Variants in CHL1 observed in about 807,000 individuals in gnomAD.
CHL1 encodes cell adhesion molecule L1 like.
In CHL1, 96 loss-of-function variants were observed where a neutral mutation model predicts 141.9. The ratio of observed to expected loss-of-function variants is 0.68; its 90% CI spans 0.57 to 0.80. The LOEUF is 0.80. CHL1 is among the 30% of genes least tolerant of loss of function. CHL1 has a pLI of 0.00. For synonymous variants in CHL1, 613 were observed against 502.2 expected (o/e 1.22, Z -2.95); for missense variants, 1,820 against 1,457.2 (o/e 1.25, Z -4.05).
In CHL1 at chr3:382,596, A is replaced by G. The variant is rs780870627; in HGVS notation, c.2101A>G (p.Arg701Gly). Residue 701 changes from arginine to glycine, a missense_variant, in exon 18 of 28, where the codon AGG becomes GGG. By Grantham distance (125) the Arg-to-Gly change is moderately radical. Transcript: ENST00000256509. ...GGCTCCATTTGTGAGATACCAGTTCAGGGTCATAGCCGTGAACGAAGTAGG... is the reference window on the plus strand; with the variant it reads ...GGCTCCATTTGTGAGATACCAGTTCGGGGTCATAGCCGTGAACGAAGTAGG... ...PLAPFVRYQF[R>G]VIAVNEVGRS... 1.9e-6 allele frequency: 3 copies of G among 1,614,000 alleles called. No individual in the cohort carries two copies. Among genetic ancestry groups the G allele is most frequent in the Non-Finnish European group, 1.7e-6 (2 of 1,179,908 alleles).
chr3:297,319 A>G (rs1698283885), intron 2 of CHL1, among the ~76,000 whole-genome samples: 1 of 152,206 alleles, frequency 6.6e-6, no homozygotes, highest in African/African-American at 2.4e-5. Context: ...GAACAGGGAA[A>G]GAGAAGGGGT....
chr3:370,950 G>A (rs1705554608), intron 15 of CHL1, among the ~76,000 whole-genome samples: 1 of 152,144 alleles, frequency 6.6e-6, no homozygotes, highest in Non-Finnish European at 1.5e-5. Flanking sequence ...TAATTTGATT[G>A]CATTGTGGTC....
chr3:239,487 A>C (rs944531815), intron 1 of CHL1, among the ~76,000 whole-genome samples: 1 of 152,138 alleles, frequency 6.6e-6, no homozygotes, highest in South Asian at 2.1e-4. Flanking sequence ...TGAAGCTATG[A>C]CATTCATACT....
intron 1 of CHL1, among the ~76,000 whole-genome samples, chr3:201,195 G>C (rs1476258905): frequency 1.3e-5 from 2 of 152,210 alleles, no homozygotes; most frequent in Admixed American, 1.3e-4. Context: ...TTGGCAACCT[G>C]ACATTATTCT....
chr3:226,731 G>T (rs1340042455), intron 1 of CHL1, among the ~76,000 whole-genome samples: 2 of 152,132 alleles, frequency 1.3e-5, no homozygotes, highest in Admixed American at 1.3e-4. Context: ...ACAGGCGTAA[G>T]CCACCGCGCC....
At chr3:225,040 C>A (rs772899862) in intron 1 of CHL1, among the ~76,000 whole-genome samples, 1 of 151,986 alleles carries the variant, frequency 6.6e-6, no homozygotes, top group African/African-American at 2.4e-5. Context: ...GGAGGCCGGG[C>A]GGGAGAACAC....
chr3:214,813 TAG>T (rs1336062225), intron 1 of CHL1, among the ~76,000 whole-genome samples: 31 of 152,302 alleles, frequency 2.0e-4, no homozygotes, highest in African/African-American at 7.5e-4. Context: ...AAGCAATAGT[TAG>T]AGTGATGTGA....
intron 1 of CHL1, among the ~76,000 whole-genome samples, chr3:237,737 G>A (rs148375214): frequency 2.0e-5 from 3 of 152,212 alleles, no homozygotes; most frequent in Non-Finnish European, 1.5e-5. Flanking sequence ...CTTGTATTAC[G>A]TGAGATTATA....
At chr3:325,852 T>A (rs1700964861) in intron 3 of CHL1, 107 bp from the exon 4 acceptor site, 1 of 631,790 alleles carries the variant, frequency 1.6e-6, no homozygotes. Context: ...TTTTGTATCA[T>A]CCTTTCACTT....
chr3:248,255 G>A (rs533064259), intron 2 of CHL1: 1 of 152,026 alleles, frequency 6.6e-6, no homozygotes, highest in South Asian at 2.1e-4. Context: ...GATTTCCAAG[G>A]CATGAAAATT....
intron 2 of CHL1, among the ~76,000 whole-genome samples, chr3:273,521 T>A (rs1444189735): frequency 6.6e-6 from 1 of 152,216 alleles, no homozygotes; most frequent in Non-Finnish European, 1.5e-5. Context: ...AGTCCCTTAT[T>A]GTTTTGCCAT....
At chr3:285,967 T>C (rs1368111802) in intron 2 of CHL1, among the ~76,000 whole-genome samples, 1 of 152,222 alleles carries the variant, frequency 6.6e-6, no homozygotes, top group Non-Finnish European at 1.5e-5. Flanking sequence ...GGCAGTTTTT[T>C]TTCTCCTGTC....
intron 1 of CHL1, among the ~76,000 whole-genome samples, chr3:239,807 C>G (rs1247088470): frequency 6.6e-6 from 1 of 152,070 alleles, no homozygotes; most frequent in African/African-American, 2.4e-5. Flanking sequence ...TTTGCATCCT[C>G]ATAGCTTAGC....
intron 19 of CHL1, among the ~76,000 whole-genome samples, chr3:386,426 G>C (rs928205568): frequency 2.0e-5 from 3 of 152,044 alleles, no homozygotes; most frequent in African/African-American, 7.2e-5. Context: ...CATATATTAA[G>C]TCGGTCATGA....
chr3:365,004 A>T (rs909951054), intron 14 of CHL1, among the ~76,000 whole-genome samples: 3 of 152,250 alleles, frequency 2.0e-5, no homozygotes, highest in Non-Finnish European at 4.4e-5. Context: ...TTCACTTAAA[A>T]TTAATTCAAT....
chr3:338,486 G>A (rs1559277174), intron 5 of CHL1, among the ~76,000 whole-genome samples: 2 of 152,126 alleles, frequency 1.3e-5, no homozygotes, highest in African/African-American at 2.4e-5. Context: ...GTTAGCTGCT[G>A]TGTTATAGTA....
At chr3:379,644 T>C (rs1447740462) in intron 16 of CHL1, among the ~76,000 whole-genome samples, 1 of 152,288 alleles carries the variant, frequency 6.6e-6, no homozygotes, top group Non-Finnish European at 1.5e-5. Context: ...TAAAAGTTCA[T>C]TCTTGCGATT....
chr3:217,629 G>A (rs1381945703), intron 1 of CHL1: 1 of 152,492 alleles, frequency 6.6e-6, no homozygotes, highest in East Asian at 1.9e-4. Flanking sequence ...GAATCAATTT[G>A]GCCCCATCTG....
At chr3:313,839 T>C (rs546554055) in intron 2 of CHL1, among the ~76,000 whole-genome samples, 2 of 152,306 alleles carry the variant, frequency 1.3e-5, no homozygotes, top group African/African-American at 4.8e-5. Context: ...ACAGGCATCA[T>C]GTATACTAAC....
Sources: gnomAD v4.1 joint callset for allele counts (sites outside exome capture counted in the v4.1 genomes callset) on GRCh38, gnomAD v4.1.1 for gene constraint, MANE v1.5 for transcripts, NCBI Gene and HGNC (gene_info 2026-07-23, HGNC 2026-07-21) for gene names.